ASIC2: variants seen among roughly 807,000 people sequenced by gnomAD.
The protein encoded by ASIC2 is acid sensing ion channel subunit 2.
Under a neutral mutation model 57.3 loss-of-function variants are expected in ASIC2, and 25 were observed. That is an observed-to-expected ratio of 0.44 (90% confidence interval 0.32 to 0.61). The LOEUF (loss-of-function observed/expected upper bound fraction) is 0.61. Ranked by LOEUF, ASIC2 falls within the 20% of genes least tolerant of loss-of-function variation. The pLI is 0.06. For synonymous variants in ASIC2, 319 were observed against 307.5 expected, an observed-to-expected ratio of 1.04 and a Z score of -0.39; for missense variants, 641 against 738.1, an observed-to-expected ratio of 0.87 and a Z score of 1.52.
At chr17:33,225,915 T>G (rs1056974330) in intron 1 of ASIC2, among the ~76,000 whole-genome samples, 7 of 152,230 alleles carry the variant, frequency 4.6e-5, no homozygotes, top group African/African-American at 1.4e-4. Flanking sequence ...ATCATCACAT[T>G]AGACTTTCTT....
At chr17:33,774,514 C>G (rs1911206569) in intron 1 of ASIC2, among the ~76,000 whole-genome samples, 1 of 152,280 alleles carries the variant, frequency 6.6e-6, no homozygotes, top group East Asian at 1.9e-4. Context: ...TCCACCTCAG[C>G]CTGCCATCTC....
chr17:33,695,808 A>G (rs12951540), intron 1 of ASIC2, among the ~76,000 whole-genome samples: 4,369 of 152,298 alleles, frequency 0.029, 210 homozygotes, highest in African/African-American at 0.1. Context: ...TTCCTAGTCC[A>G]CAGTTTTTAA....
chr17:33,697,649 C>T (rs1908567852), intron 1 of ASIC2, among the ~76,000 whole-genome samples: 2 of 152,168 alleles, frequency 1.3e-5, no homozygotes, highest in Non-Finnish European at 2.9e-5. Context: ...CAGTAACTGC[C>T]CTCATTTCTC....
At chr17:34,053,161 A>T (rs1340251637) in intron 1 of ASIC2, among the ~76,000 whole-genome samples, 3 of 152,144 alleles carry the variant, frequency 2.0e-5, no homozygotes, top group Non-Finnish European at 4.4e-5. Context: ...TTTCCTTCTT[A>T]TGCTTTATGC....
chr17:34,136,470 A>G (rs187129120), intron 1 of ASIC2, among the ~76,000 whole-genome samples: 30 of 152,212 alleles, frequency 2.0e-4, no homozygotes, highest in African/African-American at 6.7e-4. Context: ...GGCTTCCACA[A>G]CCCTACTTAC....
chr17:33,355,545 T>G (rs1908343900), intron 1 of ASIC2, among the ~76,000 whole-genome samples: 1 of 152,208 alleles, frequency 6.6e-6, no homozygotes, highest in African/African-American at 2.4e-5. Flanking sequence ...CCAGGCTCCT[T>G]CCTCCCTTTT....
intron 1 of ASIC2, among the ~76,000 whole-genome samples, chr17:33,824,548 T>A (rs1220689111): frequency 6.6e-6 from 1 of 152,184 alleles, no homozygotes; most frequent in African/African-American, 2.4e-5. Context: ...TGCAACTTAT[T>A]TGCTGGTTAA....
intron 1 of ASIC2, among the ~76,000 whole-genome samples, chr17:33,216,108 C>G (rs1907475224): frequency 6.6e-6 from 1 of 152,246 alleles, no homozygotes; most frequent in Admixed American, 6.5e-5. Context: ...ATTCCATAAA[C>G]TATTCCTATT....
At chr17:34,026,854 G>A (rs1339151912) in intron 1 of ASIC2, among the ~76,000 whole-genome samples, 2 of 152,276 alleles carry the variant, frequency 1.3e-5, no homozygotes, top group South Asian at 2.1e-4. Flanking sequence ...GGAAAGGCTC[G>A]GCCATGCAGC....
intron 1 of ASIC2, among the ~76,000 whole-genome samples, chr17:33,940,082 G>A (rs1916152363): frequency 6.6e-6 from 1 of 152,158 alleles, no homozygotes; most frequent in Non-Finnish European, 1.5e-5. Flanking sequence ...TGACCTAGGA[G>A]AGCAATACGC....
At chr17:33,315,866 G>T (rs117347154) in intron 1 of ASIC2, among the ~76,000 whole-genome samples, 1 of 152,308 alleles carries the variant, frequency 6.6e-6, no homozygotes, top group East Asian at 1.9e-4. Flanking sequence ...ACATCAAATA[G>T]ACTTGGGTTC....
Position 33,292,699 on chromosome 17 carries a change from T to C in ASIC2, c.-584A>G. On this transcript the variant is annotated 5_prime_UTR_variant, in exon 1 of 10. Transcript: ENST00000225823. ...GCCCCCAGAGGCGCACCGCGGCTCC[T>C]GGCTGGGCGGGCGGGGTGGGTGTGT... 1.0e-6 allele frequency: 1 copy of C among 985,480 alleles called. No individual in the cohort carries two copies. Among genetic ancestry groups the C allele is most frequent in the Non-Finnish European group, 1.2e-6 (1 of 830,006 alleles). 61.0% of individuals were successfully genotyped at this position (985,480 alleles called of 1,614,324 possible).
intron 1 of ASIC2, among the ~76,000 whole-genome samples, chr17:33,320,423 C>T (rs1790424395): frequency 1.3e-5 from 2 of 152,124 alleles, no homozygotes; most frequent in South Asian, 4.2e-4. Flanking sequence ...ACAGGCTTCC[C>T]ACACTATCTC....
chr17:33,639,999 T>C (rs1386338407), intron 1 of ASIC2, among the ~76,000 whole-genome samples: 2 of 152,118 alleles, frequency 1.3e-5, no homozygotes, highest in Non-Finnish European at 2.9e-5. Context: ...GGATTACCAG[T>C]GTATGAATAT....
intron 1 of ASIC2, among the ~76,000 whole-genome samples, chr17:33,815,832 C>A (rs1460062867): frequency 6.6e-6 from 1 of 152,184 alleles, no homozygotes; most frequent in East Asian, 1.9e-4. Flanking sequence ...GATGGGGAAA[C>A]TGAGGCCCAG....
At chr17:33,596,647 T>G (rs1488797805) in intron 1 of ASIC2, among the ~76,000 whole-genome samples, 1 of 152,162 alleles carries the variant, frequency 6.6e-6, no homozygotes, top group Non-Finnish European at 1.5e-5. Flanking sequence ...AGACAAGATT[T>G]CAAAGATCCC....
At position 33,350,687 on chromosome 17, in the gene ASIC2, A is replaced by AAAAG. The variant is rs55667206; in HGVS notation, c.556-238624_556-238621dup. On this transcript the variant is annotated intron_variant, in intron 1 of 9. Coordinates refer to the ASIC2 transcript ENST00000359872. ...ACAGAGCGAGACTCTGTGAGAAAAAAAAAGAAAGAAAGAAAGAAAGAAAGA... is the reference window on the plus strand; with the variant it reads ...ACAGAGCGAGACTCTGTGAGAAAAAAAAAGAAAGAAAGAAAGAAAGAAAGAAAGA... 6.6e-3 allele frequency among the ~76,000 whole-genome samples: 960 copies of AAAAG among 145,658 alleles called. 16 individuals are homozygous for AAAAG. Among genetic ancestry groups the AAAAG allele is most frequent in the African/African-American group, 0.02 (746 of 37,274 alleles).
intron 1 of ASIC2, among the ~76,000 whole-genome samples, chr17:33,124,101 A>T (rs987110097): frequency 1.3e-5 from 2 of 152,224 alleles, no homozygotes; most frequent in East Asian, 3.8e-4. Context: ...CCCATATGGC[A>T]CTAAAATCCT....
At chr17:33,906,617 A>G (rs1226906452) in intron 1 of ASIC2, among the ~76,000 whole-genome samples, 2 of 152,194 alleles carry the variant, frequency 1.3e-5, no homozygotes, top group African/African-American at 4.8e-5. Flanking sequence ...GAGTATATTC[A>G]TGCTGTTAAC....
Sources: allele counts gnomAD v4.1 joint callset (sites outside exome capture counted in the v4.1 genomes callset), GRCh38; gene constraint gnomAD v4.1.1; transcripts MANE v1.5; gene names NCBI Gene and HGNC (gene_info 2026-07-23, HGNC 2026-07-21).